GCH1: variants seen among roughly 807,000 people sequenced by gnomAD.
The protein encoded by GCH1 is GTP cyclohydrolase 1, also known as GTP cyclohydrolase I.
A neutral mutation model predicts 25.9 loss-of-function variants in GCH1; 5 were observed. The observed-to-expected ratio is 0.19, with a 90% CI of 0.10 to 0.41. GCH1 has a LOEUF of 0.41. GCH1 is among the 10% of genes least tolerant of loss of function. GCH1 has a pLI of 1.00. For synonymous variants in GCH1, 159 were observed against 129.6 expected (o/e 1.23, Z -1.54); for missense variants, 261 against 336.5 (o/e 0.78, Z 1.75).
chr14:54,849,514 T>G lies in GCH1; in HGVS notation c.510-2384A>C, dbSNP rs114183819. 5.7e-3 allele frequency among the ~76,000 whole-genome samples: 867 copies of G among 152,326 alleles called. 8 individuals carry two copies. The highest frequency in any genetic ancestry group is 0.02 in the African/African-American group (816 of 41,556). The stretch of plus-strand genomic sequence containing the variant: ...TTTTAGATAATCGATATTTCTTTCT[T>G]TGGCTGCTTTTATATTAACTATATT... On this transcript the variant is annotated intron_variant, in intron 3 of 5. Coordinates refer to ENST00000491895, the MANE Select transcript of GCH1 (RefSeq NM_000161.3).
chr14:54,882,831 C>T (rs11626210), intron 1 of GCH1, among the ~76,000 whole-genome samples: 31,672 of 152,024 alleles, frequency 0.21, 3,380 homozygotes, highest in Admixed American at 0.23. Flanking sequence ...CATCAGAGTG[C>T]GCAAGCCACC....
chr14:54,886,812 G>A (rs139278980), intron 1 of GCH1, among the ~76,000 whole-genome samples: 101 of 152,320 alleles, frequency 6.6e-4, no homozygotes, highest in African/African-American at 2.2e-3. Flanking sequence ...AGTGTGGACT[G>A]AAGGGGAGAG....
At chr14:54,872,116 A>G (rs2040088224) in intron 1 of GCH1, among the ~76,000 whole-genome samples, 1 of 152,226 alleles carries the variant, frequency 6.6e-6, no homozygotes, top group African/African-American at 2.4e-5. Context: ...GGTTACCCAC[A>G]AAGGGAAGCC....
Position 54,843,376 on chromosome 14 carries a change from C to A in GCH1, c.*641G>T. ...TCGTAAACAACACCAGGAACTAATT[C>A]CCTATTCTTGAATTTAAAAACAATA... On this transcript the variant is annotated 3_prime_UTR_variant, in exon 6 of 6. Coordinates refer to ENST00000491895, the MANE Select transcript of GCH1 (RefSeq NM_000161.3). 2.4e-6 allele frequency: 3 copies of A among 1,251,032 alleles called. No individual in the cohort carries two copies. The South Asian group carries it at 7.4e-5, about 31-fold the overall frequency. 77.5% of individuals were successfully genotyped at this position (1,251,032 alleles called of 1,614,324 possible). A position where few individuals can be genotyped will look rare whatever the true frequency, so the allele number is the denominator to read the frequency against.
At chr14:54,866,188 A>G (rs1028620926) in intron 1 of GCH1, among the ~76,000 whole-genome samples, 11 of 152,124 alleles carry the variant, frequency 7.2e-5, no homozygotes, top group Admixed American at 2.0e-4. Flanking sequence ...AAAAGAAAAG[A>G]TTAATCAGAT....
In GCH1 at chr14:54,900,154, C is replaced by G. The variant is rs111269288; in HGVS notation, c.343+2167G>C. Among the ~76,000 whole-genome samples the G allele has an allele frequency of 2.2e-3, 322 of 146,582 alleles. 2 individuals are homozygous for G. Among genetic ancestry groups the G allele is most frequent in the African/African-American group, 7.1e-3 (280 of 39,636 alleles). On this transcript the variant is annotated intron_variant, in intron 1 of 5. Transcript: ENST00000491895. ...TGCTGGGATTACAGGTGTGAGCCACCGCGCCCGGCCCATGGACTTTTTAAA... is the reference window on the plus strand; with the variant it reads ...TGCTGGGATTACAGGTGTGAGCCACGGCGCCCGGCCCATGGACTTTTTAAA...
rs535422227 is a variant in GCH1, at chr14:54,878,605, G to A, written c.344-13169C>T. Reference sequence around the variant, plus strand: ...TAGTACCATGGTTATTTGTGCCCACGTCCCACAGACACACTGGGCTATAAG... The same window carrying A: ...TAGTACCATGGTTATTTGTGCCCACATCCCACAGACACACTGGGCTATAAG... On this transcript the variant is annotated intron_variant, in intron 1 of 5. Coordinates refer to ENST00000491895, the MANE Select transcript of GCH1 (RefSeq NM_000161.3). 1.5e-4 allele frequency among the ~76,000 whole-genome samples: 23 copies of A among 152,156 alleles called. No individual in the cohort carries two copies. The East Asian group carries it at 3.5e-3, about 23-fold the overall frequency.
rs938989030 is a variant in GCH1, at chr14:54,864,226, A to G, written c.453+1101T>C. ...TAAGTTTTATGCATTTTCTATCTAT[A>G]TATTATTTCCATAAAAAAGTGAAAA... is the stretch of plus-strand genomic sequence containing the variant. On this transcript the variant is annotated intron_variant, in intron 2 of 5. Coordinates refer to ENST00000491895, the MANE Select transcript of GCH1 (RefSeq NM_000161.3). Among the ~76,000 whole-genome samples the G allele has an allele frequency of 5.3e-5, 8 of 152,284 alleles. No homozygotes were observed. In the East Asian group the frequency reaches 7.7e-4, roughly 15 times the overall value.
At chr14:54,876,832 T>C (rs771597207) in intron 1 of GCH1, among the ~76,000 whole-genome samples, 39 of 152,032 alleles carry the variant, frequency 2.6e-4, no homozygotes, top group Non-Finnish European at 5.4e-4. Flanking sequence ...CTAGTAAAAA[T>C]GATTACCTGC....
chr14:54,847,361 T>C (rs181431477), intron 3 of GCH1, among the ~76,000 whole-genome samples: 2 of 152,300 alleles, frequency 1.3e-5, no homozygotes, highest in South Asian at 2.1e-4. Context: ...TGTGAGGGTG[T>C]TGCCAAAGGA....
At chr14:54,893,033 C>T (rs990564491) in intron 1 of GCH1, among the ~76,000 whole-genome samples, 52 of 152,208 alleles carry the variant, frequency 3.4e-4, no homozygotes, top group Middle Eastern at 6.3e-3. Context: ...GAGCTGAGAT[C>T]ATGCCACCGC....
chr14:54,886,528 C>T (rs1036646379), intron 1 of GCH1, among the ~76,000 whole-genome samples: 11 of 152,136 alleles, frequency 7.2e-5, no homozygotes, highest in African/African-American at 2.7e-4. Context: ...AGGAGAATGG[C>T]GTGAACCCGG....
At chr14:54,886,703 C>G (rs562298897) in intron 1 of GCH1, among the ~76,000 whole-genome samples, 135 of 152,306 alleles carry the variant, frequency 8.9e-4, no homozygotes, top group African/African-American at 3.2e-3. Flanking sequence ...TAGCTGACTG[C>G]TGAAGAAGAG....
chr14:54,883,740 T>C (rs1313978957), intron 1 of GCH1, among the ~76,000 whole-genome samples: 1 of 152,132 alleles, frequency 6.6e-6, no homozygotes, highest in African/African-American at 2.4e-5. Flanking sequence ...CCAAATTTGC[T>C]GTTCAGCAAG....
chr14:54,895,658 C>T (rs191225220), intron 1 of GCH1, among the ~76,000 whole-genome samples: 13 of 152,214 alleles, frequency 8.5e-5, no homozygotes, highest in Non-Finnish European at 1.8e-4. Flanking sequence ...GGAGAACTCA[C>T]CAAGATAAAA....
chr14:54,901,146 C>G (rs1191087370), intron 1 of GCH1, among the ~76,000 whole-genome samples: 1 of 152,118 alleles, frequency 6.6e-6, no homozygotes, highest in East Asian at 1.9e-4. Flanking sequence ...CAAAAAATAA[C>G]TTTCTTTTTC....
At chr14:54,898,596 TTTTTAA>T (rs1193089740) in intron 1 of GCH1, among the ~76,000 whole-genome samples, 7 of 152,290 alleles carry the variant, frequency 4.6e-5, no homozygotes, top group Non-Finnish European at 8.8e-5. Context: ...CCTTTTTCTA[TTTTTAA>T]TTTTAATTTT....
chr14:54,875,722 T>C (rs1440774410), intron 1 of GCH1, among the ~76,000 whole-genome samples: 1 of 152,208 alleles, frequency 6.6e-6, no homozygotes, highest in African/African-American at 2.4e-5. Context: ...AAGACCTTTA[T>C]GCAGCCAAAA....
At chr14:54,869,761 T>C (rs1249716359) in intron 1 of GCH1, among the ~76,000 whole-genome samples, 1 of 152,200 alleles carries the variant, frequency 6.6e-6, no homozygotes, top group African/African-American at 2.4e-5. Flanking sequence ...ATTACAGGCG[T>C]GAGCCACCGT....
Sources: allele counts gnomAD v4.1 joint callset (sites outside exome capture counted in the v4.1 genomes callset), GRCh38; gene constraint gnomAD v4.1.1; transcripts MANE v1.5; gene names NCBI Gene and HGNC (gene_info 2026-07-23, HGNC 2026-07-21).